The following THEM4 variants were observed in gnomAD, a reference collection of about 807,000 sequenced individuals.
The protein encoded by THEM4 is acyl-coenzyme A thioesterase THEM4.
THEM4 carries 22 observed loss-of-function variants against 25.0 expected under a neutral mutation model. That is an observed-to-expected ratio of 0.88 (90% confidence interval 0.63 to 1.26). The LOEUF (loss-of-function observed/expected upper bound fraction) is 1.26. Among genes scored for constraint, THEM4 ranks in the 50% most tolerant of loss-of-function variants. THEM4 has a pLI of 0.00. For synonymous variants in THEM4, 113 were observed against 105.6 expected (o/e 1.07, Z -0.43); for missense variants, 286 against 300.3 (o/e 0.95, Z 0.35).
At chr1:151,883,483 G>GC (rs1473823716) in intron 4 of THEM4, among the ~76,000 whole-genome samples, 1 of 152,016 alleles carries the variant, frequency 6.6e-6, no homozygotes, top group African/African-American at 2.4e-5. Flanking sequence ...GGGGGAAACT[G>GC]CCCCCATGAT....
intron 4 of THEM4, among the ~76,000 whole-genome samples, chr1:151,882,388 A>G (rs1190376992): frequency 6.6e-6 from 1 of 152,128 alleles, no homozygotes; most frequent in Non-Finnish European, 1.5e-5. Flanking sequence ...AAAAAAAAAA[A>G]AAGCTTCATT....
At chr1:151,875,652 T>C (rs1036273288) in intron 5 of THEM4, among the ~76,000 whole-genome samples, 2 of 151,816 alleles carry the variant, frequency 1.3e-5, no homozygotes, top group Non-Finnish European at 2.9e-5. Context: ...ATATGGTCAA[T>C]AAACATATGA....
intron 4 of THEM4, among the ~76,000 whole-genome samples, chr1:151,877,639 T>A (rs957158528): frequency 1.3e-5 from 2 of 152,204 alleles, no homozygotes; most frequent in Non-Finnish European, 2.9e-5. Flanking sequence ...AATAGAACTT[T>A]CTGTGATGAT....
In THEM4 at chr1:151,873,344, G is replaced by C. The variant is rs563960188; in HGVS notation, c.*1544C>G. Among the ~76,000 whole-genome samples, 1 of 152,102 alleles carries C rather than the reference G, an allele frequency of 6.6e-6. No homozygotes were observed. Among genetic ancestry groups the C allele is most frequent in the African/African-American group, 2.4e-5 (1 of 41,426 alleles). The stretch of plus-strand genomic sequence containing the variant: ...ATAAATACTGAGAGAGCTGAGACTG[G>C]GGCCGGTGCGGGTCCTCTGTATGCT... On this transcript the variant is annotated 3_prime_UTR_variant, in exon 6 of 6. Transcript: ENST00000368814.
intron 4 of THEM4, among the ~76,000 whole-genome samples, chr1:151,880,383 CAGG>C (rs1263695098): frequency 2.6e-5 from 4 of 151,856 alleles, no homozygotes; most frequent in African/African-American, 9.7e-5. Context: ...GAGGCTGAGA[CAGG>C]AGAATTGCTT....
chr1:151,871,386 G>GTTAATA lies in THEM4; in HGVS notation c.*3501_*3502insTATTAA, dbSNP rs1653552128. 4.6e-5 allele frequency among the ~76,000 whole-genome samples: 7 copies of GTTAATA among 151,888 alleles called. No individual in the cohort carries two copies. Among genetic ancestry groups the GTTAATA allele is most frequent in the Non-Finnish European group, 1.0e-4 (7 of 67,972 alleles). On this transcript the variant is annotated 3_prime_UTR_variant, in exon 6 of 6. Transcript: ENST00000368814. ...GGAAAAAGAAGGAAACAGGAAATGA[G>GTTAATA]GAATAGTTCCATTAGGTCACACAGC...
At chr1:151,883,939 G>A (rs140789324) in intron 4 of THEM4, among the ~76,000 whole-genome samples, 2,151 of 152,132 alleles carry the variant, frequency 0.014, 19 homozygotes, top group Non-Finnish European at 0.02. Flanking sequence ...GCCGGGTATG[G>A]TGGCCTATGC....
chr1:151,895,988 CTTTTTTT>C (rs1176553580), intron 1 of THEM4, among the ~76,000 whole-genome samples: 2 of 119,220 alleles, frequency 1.7e-5, no homozygotes, highest in Non-Finnish European at 3.5e-5. Context: ...TTCTTGCTTC[CTTTTTTT>C]TTTTTTTTTT....
Position 151,909,377 on chromosome 1 carries a change from C to T in THEM4, c.82G>A (p.Glu28Lys), listed in dbSNP as rs1173180309. The change falls in exon 1 of 6, where the codon GAG (glutamate) becomes AAG (lysine). Residue 28 changes from glutamate to lysine, a missense_variant. Coordinates refer to ENST00000368814, the MANE Select transcript of THEM4 (RefSeq NM_053055.5). ...AGACTCACCAGCTCGGGTCGCGGCT[C>T]GCTTCCCGGCAGGCGCCGGCCTACT... Reference protein sequence around the residue: ...PPVGRRLPGSEPRPELRSFSS... With the variant: ...PPVGRRLPGSKPRPELRSFSS... 39 of 1,507,298 alleles carry T rather than the reference C, an allele frequency of 2.6e-5. No homozygotes were observed. Among genetic ancestry groups the T allele is most frequent in the Non-Finnish European group, 3.4e-5 (38 of 1,134,132 alleles). The allele number at this position is 1,507,298 out of a possible 1,614,324, so 93.4% of individuals were successfully genotyped here.
chr1:151,887,120 C>T (rs1334924661), intron 4 of THEM4, among the ~76,000 whole-genome samples: 1 of 151,928 alleles, frequency 6.6e-6, no homozygotes, highest in East Asian at 1.9e-4. Context: ...ATGACTAATC[C>T]AAAAAGGAAA....
At chr1:151,899,470 G>A (rs578013743) in intron 1 of THEM4, among the ~76,000 whole-genome samples, 30 of 134,436 alleles carry the variant, frequency 2.2e-4, no homozygotes, top group African/African-American at 4.9e-4. Context: ...CAGCCTGGGC[G>A]ACAGAGTGAG....
intron 1 of THEM4, 32 bp downstream of exon 1, chr1:151,909,327 TC>T: frequency 2.0e-6 from 3 of 1,500,394 alleles, no homozygotes; most frequent in Non-Finnish European, 2.7e-6. Context: ...TGAGTCCTGC[TC>T]CCGCCCCATG....
chr1:151,876,449 A>ATTT (rs11449752), intron 5 of THEM4, among the ~76,000 whole-genome samples: 8 of 144,020 alleles, frequency 5.6e-5, no homozygotes, highest in African/African-American at 5.1e-5. Flanking sequence ...CACTTTGTAA[A>ATTT]TTTTTTTTTT....
At chr1:151,894,909 A>T in intron 2 of THEM4, 99 bp downstream of exon 2, 1 of 1,306,252 alleles carries the variant, frequency 7.7e-7, no homozygotes, top group Non-Finnish European at 1.1e-6. Flanking sequence ...ATCCTGCATT[A>T]TATTCTTTCT....
At chr1:151,880,155 A>ATT (rs112401808) in intron 4 of THEM4, among the ~76,000 whole-genome samples, 4 of 143,722 alleles carry the variant, frequency 2.8e-5, no homozygotes, top group African/African-American at 1.0e-4. Flanking sequence ...CTTGGCTCTG[A>ATT]TTTTTTTTTT....
chr1:151,900,856 T>C (rs931824572), intron 1 of THEM4, among the ~76,000 whole-genome samples: 2 of 152,244 alleles, frequency 1.3e-5, no homozygotes, highest in Non-Finnish European at 1.5e-5. Flanking sequence ...GTGATGGCCA[T>C]GATGCCCATG....
At chr1:151,894,610 T>A (rs1654177687) in intron 2 of THEM4, among the ~76,000 whole-genome samples, 1 of 152,136 alleles carries the variant, frequency 6.6e-6, no homozygotes, top group African/African-American at 2.4e-5. Context: ...CCCTGGGGAT[T>A]TAGATACTGG....
rs932046725 is a variant in THEM4 at position 151,906,004 on chromosome 1, C to T, written c.99+3356G>A. ...CCTCACAGCCCTCGCTCCCTCTCGG[C>T]GCCTCCTCTGCCTGGGCTCCCACTT... is the stretch of plus-strand genomic sequence containing the variant. On this transcript the variant is annotated intron_variant, in intron 1 of 5. Coordinates refer to ENST00000368814, the MANE Select transcript of THEM4 (RefSeq NM_053055.5). 3.9e-5 allele frequency among the ~76,000 whole-genome samples: 6 copies of T among 152,364 alleles called. No homozygotes were observed. In the East Asian group the frequency reaches 5.8e-4, roughly 15 times the overall value.
chr1:151,898,743 C>G (rs967843340), intron 1 of THEM4, among the ~76,000 whole-genome samples: 1 of 152,250 alleles, frequency 6.6e-6, no homozygotes, highest in African/African-American at 2.4e-5. Context: ...GACCCATAGA[C>G]AGCTCACATC....
Sources: gnomAD v4.1 joint callset for allele counts (sites outside exome capture counted in the v4.1 genomes callset) on GRCh38, gnomAD v4.1.1 for gene constraint, MANE v1.5 for transcripts, NCBI Gene and HGNC (gene_info 2026-07-23, HGNC 2026-07-21) for gene names.